The following VPS13C variants were observed in gnomAD, a reference collection of about 807,000 sequenced individuals.
VPS13C encodes intermembrane lipid transfer protein VPS13C.
Under a neutral mutation model 456.8 loss-of-function variants are expected in VPS13C, and 358 were observed. That is an observed-to-expected ratio of 0.78 (90% CI 0.72 to 0.86). The LOEUF is 0.86. VPS13C is among the 40% of genes least tolerant of loss of function. VPS13C has a pLI of 0.00. For missense variants in VPS13C, 4,818 were observed against 4,385.4 expected (o/e 1.10, Z -2.79); for synonymous variants, 1,578 against 1,486.7 (o/e 1.06, Z -1.41).
At chr15:62,059,481 ATGTT>A (rs2048915807) in intron 1 of VPS13C, among the ~76,000 whole-genome samples, 2 of 152,204 alleles carry the variant, frequency 1.3e-5, no homozygotes, top group South Asian at 2.1e-4. Context: ...TGAAGAGTGT[ATGTT>A]TAAGTACACT....
chr15:61,956,488 GAA>G (rs1474145567), intron 37 of VPS13C, among the ~76,000 whole-genome samples: 1 of 151,568 alleles, frequency 6.6e-6, no homozygotes, highest in Non-Finnish European at 1.5e-5. Context: ...TAAAAATTGG[GAA>G]AAAAAGAGAG....
intron 9 of VPS13C, among the ~76,000 whole-genome samples, chr15:62,019,672 G>A (rs1006817213): frequency 6.6e-6 from 1 of 151,964 alleles, no homozygotes; most frequent in Non-Finnish European, 1.5e-5. Flanking sequence ...TATAATTTCT[G>A]TTCTTTACAT....
rs2140878030 is a variant in VPS13C at position 61,872,015 on chromosome 15, G to A, written c.10598C>T (p.Thr3533Ile). Residue 3533 changes from threonine to isoleucine, a missense_variant, in exon 79 of 85, where the codon ACT (threonine) becomes ATT (isoleucine). By Grantham distance (89) the Thr-to-Ile change is moderately conservative. Coordinates refer to ENST00000644861, the MANE Select transcript of VPS13C (RefSeq NM_020821.3). Reference sequence around the variant, plus strand: ...TTCCACAGGTTTTGTTATTATTCCAGTCACTCCACCAACAACTCCCTGAAA... The same window carrying A: ...TTCCACAGGTTTTGTTATTATTCCAATCACTCCACCAACAACTCCCTGAAA... ...GFLRGVVGGV[T>I]GIITKPVEGA... 1 of 1,612,502 alleles carries A rather than the reference G, an allele frequency of 6.2e-7. No homozygotes were observed. The highest frequency in any genetic ancestry group is 8.5e-7 in the Non-Finnish European group (1 of 1,179,186).
intron 6 of VPS13C, among the ~76,000 whole-genome samples, chr15:62,025,127 T>A (rs909608753): frequency 6.6e-6 from 1 of 152,120 alleles, no homozygotes; most frequent in Non-Finnish European, 1.5e-5. Flanking sequence ...CACACAGTAC[T>A]TATCTGTTCA....
intron 11 of VPS13C, 84 bp downstream of exon 11, chr15:62,012,955 C>A: frequency 1.2e-6 from 1 of 847,572 alleles, no homozygotes; most frequent in Non-Finnish European, 1.8e-6. Flanking sequence ...TGGCTGATAT[C>A]CTGTCCTCAT....
At chr15:61,961,117 G>T (rs1417235007) in intron 35 of VPS13C, among the ~76,000 whole-genome samples, 2 of 151,252 alleles carry the variant, frequency 1.3e-5, no homozygotes, top group African/African-American at 4.9e-5. Context: ...GGCCAGGCGC[G>T]GTGGCTCACA....
chr15:61,988,232 C>CT (rs1208364244), intron 18 of VPS13C, among the ~76,000 whole-genome samples: 1 of 152,144 alleles, frequency 6.6e-6, no homozygotes, highest in Admixed American at 6.5e-5. Flanking sequence ...TACAAGGGAA[C>CT]TTTTTGGAAG....
chr15:61,899,869 T>C lies in VPS13C; in HGVS notation c.9105+7395A>G, dbSNP rs538832391. ...ATCGATGCAAAAATCCTGAATAAAA[T>C]ACTGGCAAAACGAATCCAGCAGCAC... is the stretch of plus-strand genomic sequence containing the variant. On this transcript the variant is annotated intron_variant, in intron 66 of 84. Transcript: ENST00000644861. Among the ~76,000 whole-genome samples the C allele has an allele frequency of 9.6e-4, 144 of 150,372 alleles. 1 individual carries two copies. The highest frequency in any genetic ancestry group is 3.5e-3 in the African/African-American group (141 of 40,266).
At chr15:61,885,123 T>C (rs886863838) in intron 67 of VPS13C, among the ~76,000 whole-genome samples, 7 of 152,068 alleles carry the variant, frequency 4.6e-5, no homozygotes, top group African/African-American at 1.7e-4. Flanking sequence ...AGTGGAGATT[T>C]TGCTTCATGT....
At chr15:61,962,315 T>C in intron 34 of VPS13C, 56 bp downstream of exon 34, 1 of 1,461,782 alleles carries the variant, frequency 6.8e-7, no homozygotes, top group Non-Finnish European at 9.2e-7. Context: ...ATCATAATTA[T>C]CACACTTTTA....
At chr15:61,982,999 A>C (rs2045932574) in intron 20 of VPS13C, among the ~76,000 whole-genome samples, 2 of 152,140 alleles carry the variant, frequency 1.3e-5, no homozygotes, top group South Asian at 4.1e-4. Context: ...AAAATCAGAG[A>C]TTTTCCAAGA....
chr15:61,991,929 G>C, intron 16 of VPS13C, 127 bp from the exon 17 acceptor site: 1 of 975,612 alleles, frequency 1.0e-6, no homozygotes, highest in East Asian at 2.7e-5. Context: ...CACCAGTCAA[G>C]ATCTTAAATG....
chr15:61,948,678 C>T (rs1038495088), intron 42 of VPS13C, among the ~76,000 whole-genome samples: 4 of 150,072 alleles, frequency 2.7e-5, no homozygotes, highest in African/African-American at 7.4e-5. Flanking sequence ...AGTGAAATTC[C>T]GTCTCAAAAA....
chr15:61,866,884 C>T (rs1439498618), intron 81 of VPS13C: 42 of 981,190 alleles, frequency 4.3e-5, no homozygotes, highest in Non-Finnish European at 5.0e-5. Flanking sequence ...TTCAAATATA[C>T]AACACATTAA....
At chr15:62,018,245 G>C (rs1373889027) in intron 9 of VPS13C, among the ~76,000 whole-genome samples, 1 of 152,074 alleles carries the variant, frequency 6.6e-6, no homozygotes, top group South Asian at 2.1e-4. Flanking sequence ...CGGACAATTT[G>C]ACTTCCTCTT....
At chr15:61,874,728 TA>T (rs1895285247) in intron 77 of VPS13C, 147 bp downstream of exon 77, 2 of 641,900 alleles carry the variant, frequency 3.1e-6, no homozygotes, top group East Asian at 7.0e-5. Flanking sequence ...ATTTTTCATT[TA>T]AAAACATGGG....
rs1567136913 is a variant in VPS13C at position 62,037,307 on chromosome 15, TATAAATATATTA to T, written c.188-2267_188-2256del. On this transcript the variant is annotated intron_variant, in intron 3 of 84. Transcript: ENST00000644861. The stretch of plus-strand genomic sequence containing the variant: ...TATATATTATATTATATAATATATA[TATAAATATATTA>T]TATATTATATACATTTATATATAAT... 1.6e-3 allele frequency among the ~76,000 whole-genome samples: 109 copies of T among 70,082 alleles called. 2 individuals are homozygous for T. The highest frequency in any genetic ancestry group is 6.3e-3 in the African/African-American group (107 of 17,024). 46.0% of individuals were successfully genotyped at this position (70,082 alleles called of 152,430 possible).
rs1567100884 is a variant in VPS13C at position 62,006,779 on chromosome 15, TTTTTAATGGTCG to T, written c.1290+517_1290+528del. Among the ~76,000 whole-genome samples, 19 of 152,346 alleles carry T rather than the reference TTTTTAATGGTCG, an allele frequency of 1.2e-4. No homozygotes were observed. In the South Asian group the frequency reaches 3.9e-3, roughly 32 times the overall value. ...TCTCCAGCACCTGTTGTTTCCTGAC[TTTTTAATGGTCG>T]CCATTCTAACTGGTGTGAGATGGTA... is the stretch of plus-strand genomic sequence containing the variant. On this transcript the variant is annotated intron_variant, in intron 15 of 84. Coordinates refer to ENST00000644861, the MANE Select transcript of VPS13C (RefSeq NM_020821.3).
At chr15:61,883,646 A>C (rs1219226290) in intron 68 of VPS13C, among the ~76,000 whole-genome samples, 1 of 152,098 alleles carries the variant, frequency 6.6e-6, no homozygotes, top group African/African-American at 2.4e-5. Context: ...GTGGATGCCT[A>C]CTCAGGTCCA....
Sources: allele counts gnomAD v4.1 joint callset (sites outside exome capture counted in the v4.1 genomes callset), GRCh38; gene constraint gnomAD v4.1.1; transcripts MANE v1.5; gene names NCBI Gene and HGNC (gene_info 2026-07-23, HGNC 2026-07-21).